Variants in MCC observed in about 807,000 individuals in gnomAD.
MCC encodes colorectal mutant cancer protein.
MCC carries 90 observed loss-of-function variants against 116.2 expected under a neutral mutation model. That is an observed-to-expected ratio of 0.77 (90% CI 0.65 to 0.92). The LOEUF is 0.92. Ranked by LOEUF, MCC falls within the 40% of genes least tolerant of loss-of-function variation. MCC has a pLI of 0.00. For synonymous variants in MCC, 578 were observed against 510.5 expected, an observed-to-expected ratio of 1.13 and a Z score of -1.78; for missense variants, 1,516 against 1,312.2, an observed-to-expected ratio of 1.16 and a Z score of -2.40.
rs1256459535 is a variant in MCC, at chr5:113,105,034, A to G, written c.1028-679T>C. On this transcript the variant is annotated intron_variant, in intron 6 of 18. Transcript: ENST00000408903. ...ACATCCAGGGCCTGGTCAGAGAAATAAAAAATAATTATAATGTGATTCAGA... is the reference window on the plus strand; with the variant it reads ...ACATCCAGGGCCTGGTCAGAGAAATGAAAAATAATTATAATGTGATTCAGA... Among the ~76,000 whole-genome samples, 3 of 152,244 alleles carry G rather than the reference A, an allele frequency of 2.0e-5. No individual in the cohort carries two copies. The East Asian group carries it at 5.8e-4, about 29-fold the overall frequency.
At chr5:113,429,004 A>G (rs1770553294) in intron 1 of MCC, among the ~76,000 whole-genome samples, 1 of 152,194 alleles carries the variant, frequency 6.6e-6, no homozygotes, top group African/African-American at 2.4e-5. Context: ...GTCAGAATTT[A>G]TATCTGTAAT....
rs145838279 is a variant in MCC, at chr5:113,339,438, T to TGTGTGTGTGC, written c.627+1080_627+1081insGCACACACAC. Among the ~76,000 whole-genome samples, 289 of 149,660 alleles carry TGTGTGTGTGC rather than the reference T, an allele frequency of 1.9e-3. 1 individual carries two copies. The highest frequency in any genetic ancestry group is 5.0e-3 in the African/African-American group (202 of 40,174). On this transcript the variant is annotated intron_variant, in intron 3 of 18. Coordinates refer to ENST00000408903, the MANE Select transcript of MCC (RefSeq NM_001085377.2). Reference sequence around the variant, plus strand: ...GTGTGTGTGTGTGTGTGTGTGTGTGTGCGTGCATGTGTGTTTTACTGTAAT... The same window carrying TGTGTGTGTGC: ...GTGTGTGTGTGTGTGTGTGTGTGTGTGTGTGTGTGCGCGTGCATGTGTGTTTTACTGTAAT...
chr5:113,297,694 G>A (rs1358873056), intron 3 of MCC, among the ~76,000 whole-genome samples: 2 of 143,938 alleles, frequency 1.4e-5, no homozygotes, highest in Non-Finnish European at 3.0e-5. Context: ...AGATGTTGCA[G>A]TGCGTCAAGA....
chr5:113,284,692 A>T (rs948703447), intron 3 of MCC, among the ~76,000 whole-genome samples: 1 of 152,240 alleles, frequency 6.6e-6, no homozygotes, highest in African/African-American at 2.4e-5. Context: ...TATGCTTAAT[A>T]GCACCACCCA....
At chr5:113,185,300 A>C (rs535654160) in intron 3 of MCC, among the ~76,000 whole-genome samples, 1 of 152,224 alleles carries the variant, frequency 6.6e-6, no homozygotes, top group East Asian at 1.9e-4. Context: ...TCTTAACAAG[A>C]CACAAGCCCT....
chr5:113,395,808 C>T (rs1439157656), intron 1 of MCC, among the ~76,000 whole-genome samples: 1 of 151,876 alleles, frequency 6.6e-6, no homozygotes, highest in East Asian at 1.9e-4. Flanking sequence ...TGATGCTCAA[C>T]TCTTCATAAT....
At chr5:113,029,190 A>G (rs1048624402) in intron 17 of MCC, 134 bp from the exon 18 acceptor site, 10 of 754,874 alleles carry the variant, frequency 1.3e-5, no homozygotes, top group Non-Finnish European at 2.0e-5. Context: ...AAAAGATACT[A>G]AAGGGCCCAA....
Position 113,027,010 on chromosome 5 carries a change from G to T in MCC, c.*292C>A, listed in dbSNP as rs1156815396. 2.8e-6 allele frequency: 1 copy of T among 357,958 alleles called. No homozygotes were observed. The allele number at this position is 357,958 out of a possible 1,614,324, so 22.2% of individuals were successfully genotyped here. The stretch of plus-strand genomic sequence containing the variant: ...CAGCCGCCAGACCAGAAGAGGAGGG[G>T]GAGAGTGAGTGCTGAAAGCAGAAAC... On this transcript the variant is annotated 3_prime_UTR_variant, in exon 19 of 19. Transcript: ENST00000408903.
chr5:113,404,481 T>C (rs956581867), intron 1 of MCC, among the ~76,000 whole-genome samples: 2 of 152,270 alleles, frequency 1.3e-5, no homozygotes, highest in Admixed American at 6.5e-5. Context: ...AGGCCAGATC[T>C]AGGATATAAA....
chr5:113,091,589 G>A (rs1311797699), intron 8 of MCC, among the ~76,000 whole-genome samples: 1 of 152,150 alleles, frequency 6.6e-6, no homozygotes, highest in Non-Finnish European at 1.5e-5. Context: ...AATCTTAAAA[G>A]CCTTCTTGTG....
chr5:113,134,887 C>A (rs957189799), intron 5 of MCC, among the ~76,000 whole-genome samples: 1 of 151,590 alleles, frequency 6.6e-6, no homozygotes, highest in East Asian at 1.9e-4. Context: ...TTGTTTGCAT[C>A]CTCTCCAGTT....
At chr5:113,028,791 C>T in intron 18 of MCC, 143 bp downstream of exon 18, 1 of 911,416 alleles carries the variant, frequency 1.1e-6, no homozygotes, top group Non-Finnish European at 1.6e-6. Flanking sequence ...CTTAGAGAGC[C>T]AGGTAGGGAC....
intron 3 of MCC, among the ~76,000 whole-genome samples, chr5:113,254,508 A>T (rs542551615): frequency 6.6e-6 from 1 of 152,336 alleles, no homozygotes; most frequent in East Asian, 1.9e-4. Flanking sequence ...TACTTCTGTA[A>T]ATGAGAAAAC....
intron 1 of MCC, among the ~76,000 whole-genome samples, chr5:113,431,190 G>A (rs1417557869): frequency 6.6e-6 from 1 of 151,480 alleles, no homozygotes; most frequent in Non-Finnish European, 1.5e-5. Flanking sequence ...AAGAGATGAA[G>A]AAATGGCTAA....
chr5:113,439,473 AC>A (rs1770967467), intron 1 of MCC, among the ~76,000 whole-genome samples: 1 of 152,242 alleles, frequency 6.6e-6, no homozygotes, highest in Admixed American at 6.5e-5. Flanking sequence ...TTATTAGATG[AC>A]AAATGCCTTG....
intron 3 of MCC, among the ~76,000 whole-genome samples, chr5:113,281,858 T>C (rs1170852081): frequency 1.3e-5 from 2 of 152,228 alleles, no homozygotes; most frequent in African/African-American, 4.8e-5. Flanking sequence ...TAGCTACTAA[T>C]GCTTCTAAGG....
At chr5:113,084,453 C>G (rs1755063668) in intron 9 of MCC, among the ~76,000 whole-genome samples, 2 of 152,224 alleles carry the variant, frequency 1.3e-5, no homozygotes, top group Admixed American at 1.3e-4. Flanking sequence ...TCTCTGGCCT[C>G]TAGCCACAAG....
intron 2 of MCC, among the ~76,000 whole-genome samples, chr5:113,344,482 C>T (rs1006123782): frequency 2.0e-5 from 3 of 151,926 alleles, no homozygotes; most frequent in African/African-American, 7.2e-5. Context: ...CATTACCCCA[C>T]CTCAGTAACC....
chr5:113,101,529 A>C (rs1213144615), intron 8 of MCC: 1 of 575,498 alleles, frequency 1.7e-6, no homozygotes, highest in African/African-American at 1.9e-5. Context: ...GATTCCAGAG[A>C]AAAGTGTTTG....
Sources: allele counts gnomAD v4.1 joint callset (sites outside exome capture counted in the v4.1 genomes callset), GRCh38; gene constraint gnomAD v4.1.1; transcripts MANE v1.5; gene names NCBI Gene and HGNC (gene_info 2026-07-23, HGNC 2026-07-21).